Variants in KIAA1328 observed in about 807,000 individuals in gnomAD.
KIAA1328 encodes KIAA1328.
In KIAA1328, 52 loss-of-function variants were observed where a neutral mutation model predicts 68.1. The observed-to-expected ratio is 0.76, with a 90% CI of 0.61 to 0.96. The LOEUF (loss-of-function observed/expected upper bound fraction) is 0.96. Ranked by LOEUF, KIAA1328 falls within the 40% of genes least tolerant of loss-of-function variation. The pLI is 0.00. For missense variants in KIAA1328, 641 were observed against 677.6 expected (o/e 0.95, Z 0.60); for synonymous variants, 232 against 239.4 (o/e 0.97, Z 0.28).
intron 9 of KIAA1328, among the ~76,000 whole-genome samples, chr18:37,182,130 T>G (rs528587041): frequency 3.3e-5 from 5 of 152,302 alleles, no homozygotes; most frequent in Admixed American, 2.6e-4. Context: ...CTGCTGTCAT[T>G]TCACAGCTTT....
intron 6 of KIAA1328, among the ~76,000 whole-genome samples, chr18:37,009,044 C>G (rs2053884345): frequency 6.6e-6 from 1 of 152,160 alleles, no homozygotes; most frequent in African/African-American, 2.4e-5. Flanking sequence ...AAAGTGTCCT[C>G]TTGAAAAGTT....
chr18:36,948,153 T>C (rs1286692159), intron 5 of KIAA1328, among the ~76,000 whole-genome samples: 1 of 152,170 alleles, frequency 6.6e-6, no homozygotes, highest in African/African-American at 2.4e-5. Context: ...GTATCATGTG[T>C]ATTGAAATGG....
chr18:36,835,983 G>GT (rs540906928), intron 3 of KIAA1328, among the ~76,000 whole-genome samples: 182 of 152,208 alleles, frequency 1.2e-3, no homozygotes, highest in Non-Finnish European at 1.5e-3. Flanking sequence ...ATAAATAAAG[G>GT]TTTTTTGGAA....
At chr18:37,122,343 G>A (rs1271721976) in intron 7 of KIAA1328, among the ~76,000 whole-genome samples, 1 of 152,074 alleles carries the variant, frequency 6.6e-6, no homozygotes, top group African/African-American at 2.4e-5. Context: ...TGAGTGGGAG[G>A]TGAGGAAGTA....
chr18:36,904,413 A>G (rs1296718795), intron 5 of KIAA1328, among the ~76,000 whole-genome samples: 2 of 151,996 alleles, frequency 1.3e-5, no homozygotes, highest in East Asian at 1.9e-4. Flanking sequence ...CCATTTTTAG[A>G]TGCACAAAGT....
chr18:37,101,120 C>T (rs193219509), intron 7 of KIAA1328, among the ~76,000 whole-genome samples: 12 of 152,308 alleles, frequency 7.9e-5, no homozygotes, highest in African/African-American at 2.9e-4. Flanking sequence ...CTCTCCTCCT[C>T]CAAAGGAATG....
chr18:36,932,402 G>A (rs1385455739), intron 5 of KIAA1328, among the ~76,000 whole-genome samples: 3 of 152,084 alleles, frequency 2.0e-5, no homozygotes, highest in South Asian at 4.2e-4. Flanking sequence ...GTATTCTTTT[G>A]TAGAGACTGG....
At chr18:36,952,561 A>G (rs913254616) in intron 5 of KIAA1328, among the ~76,000 whole-genome samples, 34 of 152,210 alleles carry the variant, frequency 2.2e-4, no homozygotes, top group Admixed American at 2.2e-3. Context: ...TAACTGCCCT[A>G]AGTTATATCA....
At chr18:36,947,231 A>G (rs1322295483) in intron 5 of KIAA1328, among the ~76,000 whole-genome samples, 1 of 152,188 alleles carries the variant, frequency 6.6e-6, no homozygotes, top group East Asian at 1.9e-4. Context: ...AAATATAGGA[A>G]TGTTGATAAA....
chr18:37,004,839 T>G (rs781092105), intron 6 of KIAA1328, among the ~76,000 whole-genome samples: 15 of 152,104 alleles, frequency 9.9e-5, no homozygotes, highest in Non-Finnish European at 2.1e-4. Context: ...TGCAAAAATA[T>G]GGAACCAGCC....
At chr18:36,932,123 TATA>T (rs2050332706) in intron 5 of KIAA1328, among the ~76,000 whole-genome samples, 1 of 152,244 alleles carries the variant, frequency 6.6e-6, no homozygotes, top group Non-Finnish European at 1.5e-5. Flanking sequence ...AAAGTGAGCT[TATA>T]ATGCTCCTGT....
intron 5 of KIAA1328, among the ~76,000 whole-genome samples, chr18:36,889,360 A>G (rs979894069): frequency 2.6e-5 from 4 of 152,224 alleles, no homozygotes; most frequent in Admixed American, 6.5e-5. Context: ...TAAGACACAG[A>G]GGATGTAGCC....
chr18:37,153,816 A>G (rs2059093962), intron 7 of KIAA1328, among the ~76,000 whole-genome samples: 1 of 145,664 alleles, frequency 6.9e-6, no homozygotes, highest in Non-Finnish European at 1.5e-5. Context: ...TCCAGCCTAG[A>G]TTTTATGGTC....
intron 5 of KIAA1328, chr18:36,946,554 C>T (rs1309899579): frequency 6.6e-6 from 1 of 152,202 alleles, no homozygotes; most frequent in Non-Finnish European, 1.5e-5. Flanking sequence ...AGGAATGCTG[C>T]TCTAGTGGTT....
In KIAA1328 at chr18:36,931,601, G is replaced by T. The variant is rs993124576; in HGVS notation, c.449-27707G>T. Reference sequence around the variant, plus strand: ...ACCTTTTTCTCTGCAAGTAGTGAGAGAACTTATATTTCTAGTTAACCTCAT... The same window carrying T: ...ACCTTTTTCTCTGCAAGTAGTGAGATAACTTATATTTCTAGTTAACCTCAT... On this transcript the variant is annotated intron_variant, in intron 5 of 9. Transcript: ENST00000280020. Among the ~76,000 whole-genome samples, 5 of 152,124 alleles carry T rather than the reference G, an allele frequency of 3.3e-5. No homozygotes were observed. The South Asian group carries it at 1.0e-3, about 32-fold the overall frequency.
chr18:37,052,089 G>A (rs2055720377), intron 6 of KIAA1328, among the ~76,000 whole-genome samples: 1 of 150,500 alleles, frequency 6.6e-6, no homozygotes. Flanking sequence ...CATAGGTAGA[G>A]ATTTTCTTAA....
intron 7 of KIAA1328, among the ~76,000 whole-genome samples, chr18:37,105,501 GAAAAAA>G (rs376818867): frequency 6.0e-5 from 6 of 100,348 alleles, no homozygotes; most frequent in Admixed American, 1.2e-4. Context: ...CTTTTTGAAG[GAAAAAA>G]AAAAAAAAAA....
At chr18:37,031,256 A>C (rs2054816335) in intron 6 of KIAA1328, among the ~76,000 whole-genome samples, 1 of 152,106 alleles carries the variant, frequency 6.6e-6, no homozygotes, top group African/African-American at 2.4e-5. Flanking sequence ...TTTTTCCATC[A>C]GTTACTAAGG....
At chr18:37,022,714 A>T (rs960445013) in intron 6 of KIAA1328, among the ~76,000 whole-genome samples, 1 of 152,204 alleles carries the variant, frequency 6.6e-6, no homozygotes, top group Non-Finnish European at 1.5e-5. Context: ...ATTTACTCCC[A>T]TAGCTTCTGC....
Sources: gnomAD v4.1 joint callset for allele counts (sites outside exome capture counted in the v4.1 genomes callset) on GRCh38, gnomAD v4.1.1 for gene constraint, MANE v1.5 for transcripts, NCBI Gene and HGNC (gene_info 2026-07-23, HGNC 2026-07-21) for gene names.